Variants in ENTHD1 observed in about 807,000 individuals in gnomAD.
ENTHD1 encodes the protein ENTH domain containing 1.
In ENTHD1, 23 loss-of-function variants were observed where a neutral mutation model predicts 39.1. The ratio of observed to expected loss-of-function variants is 0.59; its 90% CI spans 0.42 to 0.83. The LOEUF is 0.83. ENTHD1 is among the 40% of genes least tolerant of loss of function. The pLI, the probability that ENTHD1 is intolerant of heterozygous loss-of-function variation, is 0.00. For missense variants in ENTHD1, 624 were observed against 705.4 expected (o/e 0.88, Z 1.31); for synonymous variants, 230 against 258.2 (o/e 0.89, Z 1.05).
chr22:39,763,283 C>T (rs2065250479), intron 6 of ENTHD1, among the ~76,000 whole-genome samples: 1 of 152,162 alleles, frequency 6.6e-6, no homozygotes, highest in Non-Finnish European at 1.5e-5. Context: ...GCTCACTGGC[C>T]TCTTAGAAGC....
chr22:39,869,318 T>C (rs1251055054), intron 2 of ENTHD1, among the ~76,000 whole-genome samples: 1 of 152,126 alleles, frequency 6.6e-6, no homozygotes, highest in Non-Finnish European at 1.5e-5. Flanking sequence ...TGCAGCAACA[T>C]GGGTGCAGCT....
chr22:39,813,925 C>T (rs73888175), intron 5 of ENTHD1, among the ~76,000 whole-genome samples: 1 of 151,880 alleles, frequency 6.6e-6, no homozygotes, highest in Non-Finnish European at 1.5e-5. Flanking sequence ...ACAGAAAATG[C>T]AATTTATAAA....
chr22:39,823,111 A>T (rs2065795898), intron 4 of ENTHD1, among the ~76,000 whole-genome samples: 1 of 152,212 alleles, frequency 6.6e-6, no homozygotes, highest in South Asian at 2.1e-4. Context: ...TGCTATATAA[A>T]TGGAATCATA....
At chr22:39,815,966 G>A (rs900548770) in intron 5 of ENTHD1, among the ~76,000 whole-genome samples, 1 of 152,216 alleles carries the variant, frequency 6.6e-6, no homozygotes, top group African/African-American at 2.4e-5. Context: ...GAAAAGCAAG[G>A]AATAATGAGT....
At chr22:39,814,432 C>T (rs1038785997) in intron 5 of ENTHD1, among the ~76,000 whole-genome samples, 1 of 151,966 alleles carries the variant, frequency 6.6e-6, no homozygotes, top group Admixed American at 6.6e-5. Context: ...TGCATTCCAG[C>T]ATGGGCGACA....
intron 5 of ENTHD1, among the ~76,000 whole-genome samples, chr22:39,775,425 G>C (rs918527986): frequency 1.4e-4 from 21 of 152,138 alleles, no homozygotes; most frequent in African/African-American, 4.8e-4. Context: ...TCTTTATTTA[G>C]TCCCTTTGAT....
chr22:39,802,719 G>A (rs913634788), intron 5 of ENTHD1, among the ~76,000 whole-genome samples: 2 of 152,180 alleles, frequency 1.3e-5, no homozygotes, highest in African/African-American at 2.4e-5. Flanking sequence ...AAGCTCTTCC[G>A]ATGTCCCTCA....
At chr22:39,839,493 C>T (rs965935679) in intron 3 of ENTHD1, among the ~76,000 whole-genome samples, 19 of 152,096 alleles carry the variant, frequency 1.2e-4, no homozygotes, top group African/African-American at 4.3e-4. Flanking sequence ...GAAGGACCTA[C>T]GTGGGCAAAG....
chr22:39,780,778 C>T (rs2065403079), intron 5 of ENTHD1, among the ~76,000 whole-genome samples: 1 of 152,174 alleles, frequency 6.6e-6, no homozygotes. Flanking sequence ...GCAGGCACAT[C>T]ATGAGGTCAG....
chr22:39,754,009 C>T (rs1490199873), intron 6 of ENTHD1, among the ~76,000 whole-genome samples: 2 of 152,194 alleles, frequency 1.3e-5, no homozygotes, highest in Non-Finnish European at 1.5e-5. Context: ...CCTTCAACCA[C>T]TTTCTTACCA....
chr22:39,889,472 A>G (rs1231927386), intron 1 of ENTHD1, among the ~76,000 whole-genome samples: 1 of 152,246 alleles, frequency 6.6e-6, no homozygotes, highest in African/African-American at 2.4e-5. Flanking sequence ...AAGACAGTGT[A>G]CCAAATTGAT....
In ENTHD1 at chr22:39,887,882, ATGTTGATAAAG is replaced by A. The variant is rs1414142643; in HGVS notation, c.-145_-135del. 1.2e-5 allele frequency: 7 copies of A among 601,360 alleles called. No homozygotes were observed. The highest frequency in any genetic ancestry group is 3.6e-5 in the Admixed American group (1 of 28,050). 37.3% of individuals were successfully genotyped at this position (601,360 alleles called of 1,614,324 possible). On this transcript the variant is annotated 5_prime_UTR_variant, in exon 2 of 7. Coordinates refer to ENST00000325157, the MANE Select transcript of ENTHD1 (RefSeq NM_152512.4). ...TCCCAAATACAAATAATTAATCTCTATGTTGATAAAGTATCAATTTCCTGCAAGGAAAGCAC... is the reference window on the plus strand; with the variant it reads ...TCCCAAATACAAATAATTAATCTCTATATCAATTTCCTGCAAGGAAAGCAC...
At chr22:39,805,284 G>A (rs1007066040) in intron 5 of ENTHD1, among the ~76,000 whole-genome samples, 1 of 152,360 alleles carries the variant, frequency 6.6e-6, no homozygotes, top group Middle Eastern at 3.4e-3. Flanking sequence ...CCTCACAGCT[G>A]AAGGATGGAA....
Position 39,801,371 on chromosome 22 carries a change from T to C in ENTHD1, c.832+19622A>G, listed in dbSNP as rs890879971. 2.6e-5 allele frequency among the ~76,000 whole-genome samples: 4 copies of C among 152,262 alleles called. No homozygotes were observed. In the East Asian group the frequency reaches 7.7e-4, roughly 29 times the overall value. On this transcript the variant is annotated intron_variant, in intron 5 of 6. Transcript: ENST00000325157. The stretch of plus-strand genomic sequence containing the variant: ...TTGCTTATCTTAAGGCCACATTGCA[T>C]GTGGATCCAACAATACAAAAGAAAC...
intron 4 of ENTHD1, among the ~76,000 whole-genome samples, chr22:39,830,706 C>G (rs2065862462): frequency 6.6e-6 from 1 of 152,070 alleles, no homozygotes; most frequent in African/African-American, 2.4e-5. Flanking sequence ...ATTGAAGATT[C>G]AGCAATGAAT....
chr22:39,811,056 G>A (rs185664643), intron 5 of ENTHD1, among the ~76,000 whole-genome samples: 310 of 152,334 alleles, frequency 2.0e-3, no homozygotes, highest in African/African-American at 7.3e-3. Context: ...GATGCTACAT[G>A]TATGTAGAAG....
chr22:39,814,227 G>C (rs545879341), intron 5 of ENTHD1, among the ~76,000 whole-genome samples: 1 of 150,468 alleles, frequency 6.6e-6, no homozygotes, highest in Non-Finnish European at 1.5e-5. Context: ...GGGAGGCTGA[G>C]ACAGGCAGAT....
chr22:39,849,280 T>C (rs1391566135), intron 3 of ENTHD1, among the ~76,000 whole-genome samples: 1 of 152,246 alleles, frequency 6.6e-6, no homozygotes, highest in Non-Finnish European at 1.5e-5. Context: ...AGCGGTTCTC[T>C]ACTGGGAACA....
At chr22:39,807,152 C>T (rs2065648529) in intron 5 of ENTHD1, among the ~76,000 whole-genome samples, 1 of 152,052 alleles carries the variant, frequency 6.6e-6, no homozygotes, top group Non-Finnish European at 1.5e-5. Context: ...CTGTTTTGAC[C>T]CCTGATTGCT....
Sources: allele counts gnomAD v4.1 joint callset (sites outside exome capture counted in the v4.1 genomes callset), GRCh38; gene constraint gnomAD v4.1.1; transcripts MANE v1.5; gene names NCBI Gene and HGNC (gene_info 2026-07-23, HGNC 2026-07-21).